The following ARRB1 variants were observed in gnomAD, a reference collection of about 807,000 sequenced individuals.
The protein encoded by ARRB1 is beta-arrestin-1.
ARRB1 carries 21 observed loss-of-function variants against 56.8 expected under a neutral mutation model. The ratio of observed to expected loss-of-function variants is 0.37; its 90% CI spans 0.26 to 0.53. The LOEUF (loss-of-function observed/expected upper bound fraction) is 0.53, where lower values mean the gene tolerates loss of function less well. ARRB1 is among the 20% of genes least tolerant of loss of function. The probability of loss-of-function intolerance (pLI) is 0.88; values close to 1 mark genes in which losing one functional copy is unlikely to be tolerated. For synonymous variants in ARRB1, 210 were observed against 218.6 expected (o/e 0.96, Z 0.35); for missense variants, 424 against 553.7 (o/e 0.77, Z 2.35).
chr11:75,337,574 G>C (rs1317872331), intron 1 of ARRB1, among the ~76,000 whole-genome samples: 1 of 152,000 alleles, frequency 6.6e-6, no homozygotes, highest in Non-Finnish European at 1.5e-5. Context: ...GGGAGTCCAA[G>C]AGACAAGAGA....
intron 3 of ARRB1, among the ~76,000 whole-genome samples, chr11:75,286,615 G>A (rs1048797776): frequency 1.3e-5 from 2 of 152,032 alleles, no homozygotes; most frequent in Non-Finnish European, 2.9e-5. Flanking sequence ...TCTGGGCATC[G>A]AATGAGTAGA....
chr11:75,277,273 G>A, intron 9 of ARRB1, 91 bp downstream of exon 9: 1 of 1,298,074 alleles, frequency 7.7e-7, no homozygotes. Flanking sequence ...TTTATACAAG[G>A]CTGTTAACAA....
At chr11:75,301,948 G>A (rs538896761) in intron 1 of ARRB1, among the ~76,000 whole-genome samples, 3 of 152,288 alleles carry the variant, frequency 2.0e-5, no homozygotes, top group African/African-American at 7.2e-5. Flanking sequence ...CGGAGCCTGA[G>A]GGAGCACAGT....
chr11:75,308,804 T>C (rs1025539728), intron 1 of ARRB1, among the ~76,000 whole-genome samples: 5 of 152,128 alleles, frequency 3.3e-5, no homozygotes, highest in African/African-American at 1.2e-4. Context: ...CTCACTATAT[T>C]GCCCTAGCTG....
chr11:75,274,246 TC>T (rs1946142259), intron 10 of ARRB1, 35 bp from the exon 11 acceptor site: 1 of 1,609,958 alleles, frequency 6.2e-7, no homozygotes, highest in Admixed American at 1.7e-5. Flanking sequence ...GAGATGGCCC[TC>T]CCCAGAGCCA....
At chr11:75,306,644 G>A in intron 1 of ARRB1, 1 of 1,288,804 alleles carries the variant, frequency 7.8e-7, no homozygotes, top group Non-Finnish European at 1.0e-6. Flanking sequence ...GGTGGAGGGA[G>A]CCTGAGCTGG....
At chr11:75,322,234 C>G (rs1211312642) in intron 1 of ARRB1, among the ~76,000 whole-genome samples, 1 of 152,152 alleles carries the variant, frequency 6.6e-6, no homozygotes, top group Admixed American at 6.5e-5. Flanking sequence ...ACCAAACCTA[C>G]CAGCCAGACG....
chr11:75,320,523 GC>G (rs1294738305), intron 1 of ARRB1, among the ~76,000 whole-genome samples: 1 of 152,184 alleles, frequency 6.6e-6, no homozygotes, highest in Non-Finnish European at 1.5e-5. Flanking sequence ...GGGCTGGATA[GC>G]CCCACCAGAG....
chr11:75,292,904 A>G (rs1946642297), intron 1 of ARRB1, among the ~76,000 whole-genome samples: 1 of 152,130 alleles, frequency 6.6e-6, no homozygotes. Context: ...TTCCCCAAGA[A>G]CACACAGCAA....
At chr11:75,296,481 G>A (rs116826601) in intron 1 of ARRB1, among the ~76,000 whole-genome samples, 1,936 of 152,116 alleles carry the variant, frequency 0.013, 35 homozygotes, top group African/African-American at 0.041. Flanking sequence ...TTCCCCACCT[G>A]CAGCATAGGG....
At position 75,329,829 on chromosome 11, in the gene ARRB1, C is replaced by T. The variant is rs577331905; in HGVS notation, c.20+21759G>A. Among the ~76,000 whole-genome samples, 11 of 152,174 alleles carry T rather than the reference C, an allele frequency of 7.2e-5. No homozygotes were observed. In the South Asian group the frequency reaches 1.9e-3, roughly 26 times the overall value. On this transcript the variant is annotated intron_variant, in intron 1 of 15. Transcript: ENST00000420843. Reference sequence around the variant, plus strand: ...GCAACATAGTAAGACTCCATCTCTACAAAAAATTTTAAAATCTACCCAGGC... The same window carrying T: ...GCAACATAGTAAGACTCCATCTCTATAAAAAATTTTAAAATCTACCCAGGC...
At chr11:75,284,172 C>T (rs1946420076) in intron 4 of ARRB1, 63 bp downstream of exon 4, 1 of 1,521,204 alleles carries the variant, frequency 6.6e-7, no homozygotes. Flanking sequence ...AGTTCCTATG[C>T]TAGAGGTCCG....
intron 1 of ARRB1, among the ~76,000 whole-genome samples, chr11:75,337,643 A>AAGTGCCATCCGGGAAGCCTGCAC (rs1947626726): frequency 6.6e-6 from 1 of 152,064 alleles, no homozygotes; most frequent in Non-Finnish European, 1.5e-5. Flanking sequence ...CTACAATGTA[A>AAGTGCCATCCGGGAAGCCTGCAC]AGTGCCATCC....
chr11:75,341,717 G>C (rs996620983), intron 1 of ARRB1, among the ~76,000 whole-genome samples: 5 of 152,192 alleles, frequency 3.3e-5, no homozygotes, highest in South Asian at 4.1e-4. Context: ...CCCAGCCCTG[G>C]GGAGGGAGCC....
intron 1 of ARRB1, among the ~76,000 whole-genome samples, chr11:75,318,333 A>C (rs1466431448): frequency 6.6e-6 from 1 of 151,776 alleles, no homozygotes; most frequent in Admixed American, 6.6e-5. Context: ...TTTTTTTATT[A>C]TTATTTGTGG....
At chr11:75,269,049 GAGGGTTTT>G in intron 13 of ARRB1, 90 bp from the exon 14 acceptor site, 1 of 1,427,274 alleles carries the variant, frequency 7.0e-7, no homozygotes, top group East Asian at 2.3e-5. Context: ...GAGGACTGCA[GAGGGTTTT>G]GCCGTCAGAG....
intron 1 of ARRB1, among the ~76,000 whole-genome samples, chr11:75,306,243 C>T (rs1947025275): frequency 6.6e-6 from 1 of 152,164 alleles, no homozygotes; most frequent in Non-Finnish European, 1.5e-5. Flanking sequence ...CTCCACCCAC[C>T]TGACCACTTC....
intron 13 of ARRB1, chr11:75,271,263 A>G (rs1297319143): frequency 6.4e-6 from 1 of 156,928 alleles, no homozygotes; most frequent in Non-Finnish European, 1.4e-5. Flanking sequence ...TTTTTGGAAT[A>G]TAAGTGCATC....
At chr11:75,305,734 C>G (rs1241822501) in intron 1 of ARRB1, among the ~76,000 whole-genome samples, 2 of 151,890 alleles carry the variant, frequency 1.3e-5, no homozygotes, top group East Asian at 3.9e-4. Flanking sequence ...TGAATGTGGT[C>G]GTGTGCACGC....
Sources: allele counts gnomAD v4.1 joint callset (sites outside exome capture counted in the v4.1 genomes callset), GRCh38; gene constraint gnomAD v4.1.1; transcripts MANE v1.5; gene names NCBI Gene and HGNC (gene_info 2026-07-23, HGNC 2026-07-21).